Variants in CDK9 observed in about 807,000 individuals in gnomAD.
CDK9 encodes cyclin-dependent kinase 9.
A neutral mutation model predicts 39.0 loss-of-function variants in CDK9; 34 were observed. That is an observed-to-expected ratio of 0.87 (90% CI 0.66 to 1.16). The LOEUF (loss-of-function observed/expected upper bound fraction) is 1.16, where lower values mean the gene tolerates loss of function less well. Ranked by LOEUF, CDK9 falls within the 50% of genes most tolerant of loss-of-function variation. CDK9 has a pLI of 0.00. For synonymous variants in CDK9, 233 were observed against 196.2 expected (o/e 1.19, Z -1.57); for missense variants, 369 against 503.2 (o/e 0.73, Z 2.55).
In CDK9 at chr9:127,789,630, T is replaced by C. The variant is rs998083499; in HGVS notation, c.*87T>C. On this transcript the variant is annotated 3_prime_UTR_variant, in exon 7 of 7. Transcript: ENST00000373264. This position sits in a 1 kb window ranked among gnomAD's most constrained non-coding sequence, Gnocchi z 5.2. Reference sequence around the variant, plus strand: ...TGGAGACAGGGCATTTGAGTTTATATCTCTCATGCATATTTTATTTAATCC... The same window carrying C: ...TGGAGACAGGGCATTTGAGTTTATACCTCTCATGCATATTTTATTTAATCC... The C allele has an allele frequency of 2.0e-6, 3 of 1,489,162 alleles. No individual in the cohort carries two copies. Among genetic ancestry groups the C allele is most frequent in the Non-Finnish European group, 2.7e-6 (3 of 1,105,752 alleles). The allele number at this position is 1,489,162 out of a possible 1,614,324, so 92.2% of individuals were successfully genotyped here. A position where few individuals can be genotyped will look rare whatever the true frequency, so the allele number is the denominator to read the frequency against.
chr9:127,786,170 G>T lies in CDK9; in HGVS notation c.22G>T (p.Val8Leu). The T allele has an allele frequency of 6.2e-7, 1 of 1,609,160 alleles. No homozygotes were observed. Among genetic ancestry groups the T allele is most frequent in the Non-Finnish European group, 8.5e-7 (1 of 1,178,310 alleles). The change falls in exon 1 of 7, where the codon GTG becomes TTG. Residue 8 changes from valine (V) to leucine (L), a missense_variant. By Grantham distance (32) the Val-to-Leu change is conservative. Transcript: ENST00000373264. MAKQYDS[V>L]ECPFCDEVSK... Reference sequence around the variant, plus strand: ...GGCCATGGCAAAGCAGTACGACTCGGTGGAGTGCCCTTTTTGTGATGAAGT... The same window carrying T: ...GGCCATGGCAAAGCAGTACGACTCGTTGGAGTGCCCTTTTTGTGATGAAGT...
Position 127,788,092 on chromosome 9 carries a change from C to G in CDK9, c.411C>G (p.Leu137=), listed in dbSNP as rs756684461. The G allele has an allele frequency of 6.2e-7, 1 of 1,614,236 alleles. No homozygotes were observed. Among genetic ancestry groups the G allele is most frequent in the Non-Finnish European group, 8.5e-7 (1 of 1,180,044 alleles). ...KRVMQMLLNG[L]YYIHRNKILH... is the part of the protein sequence containing the mutation. ...TGATGCAGATGCTGCTTAACGGCCTCTACTACATCCACAGAAACAAGGTGG... is the reference window on the plus strand; with the variant it reads ...TGATGCAGATGCTGCTTAACGGCCTGTACTACATCCACAGAAACAAGGTGG... The change falls in exon 4 of 7, where the codon CTC becomes CTG. Residue 137 remains leucine (L), a synonymous_variant. Coordinates refer to ENST00000373264, the MANE Select transcript of CDK9 (RefSeq NM_001261.4).
In CDK9 at chr9:127,789,210, C is replaced by A; in HGVS notation, c.786C>A (p.Tyr262Ter). Reference sequence around the variant, plus strand: ...CAAACGTGGACAACTATGAGCTGTACGAAAAGCTGGAGCTGGTCAAGGGCC... The same window carrying A: ...CAAACGTGGACAACTATGAGCTGTAAGAAAAGCTGGAGCTGGTCAAGGGCC... ...VWPNVDNYEL[Y>*]EKLELVKGQK... The change falls in exon 7 of 7, where the codon TAC (tyrosine) becomes TAA (stop). Residue 262 changes from tyrosine to a stop codon, truncating the protein, a stop_gained. Coordinates refer to ENST00000373264, the MANE Select transcript of CDK9 (RefSeq NM_001261.4). LOFTEE classifies it high-confidence loss of function. The surrounding 1 kb of genome is among the most constrained non-coding windows in gnomAD (Gnocchi z 5.2). 1.2e-6 allele frequency: 2 copies of A among 1,602,540 alleles called. No individual in the cohort carries two copies. The highest frequency in any genetic ancestry group is 1.7e-6 in the Non-Finnish European group (2 of 1,172,298).
In CDK9 at chr9:127,786,123, G is replaced by A. The variant is rs1829307367; in HGVS notation, c.-26G>A. ...GGAGCGGCGGCAGCAGCGACTGGGG[G>A]CGGCGGCGGCGCGTTGGAGGCGGCC... On this transcript the variant is annotated 5_prime_UTR_variant, in exon 1 of 7. Coordinates refer to ENST00000373264, the MANE Select transcript of CDK9 (RefSeq NM_001261.4). 2 of 1,554,930 alleles carry A rather than the reference G, an allele frequency of 1.3e-6. No homozygotes were observed. The highest frequency in any genetic ancestry group is 3.5e-5 in the Admixed American group (2 of 57,514).
At chr9:127,787,837 C>T (rs1186645502) in intron 3 of CDK9, 110 bp from the exon 4 acceptor site, 6 of 1,183,048 alleles carry the variant, frequency 5.1e-6, no homozygotes, top group East Asian at 2.3e-5. Context: ...GACAGATGCT[C>T]TGGAGGGCAT....
chr9:127,788,149 G>C, intron 4 of CDK9, 36 bp downstream of exon 4: 1 of 1,613,508 alleles, frequency 6.2e-7, no homozygotes, highest in East Asian at 2.2e-5. Context: ...CCCAGGCTTG[G>C]GCTGGTCTTG....
At position 127,789,174 on chromosome 9, in the gene CDK9, C is replaced by T; in HGVS notation, c.754-4C>T. ...ATATTCTCTCAACGCCCCCTCCCTCCCAGGTGTGGCCAAACGTGGACAACT... is the reference window on the plus strand; with the variant it reads ...ATATTCTCTCAACGCCCCCTCCCTCTCAGGTGTGGCCAAACGTGGACAACT... On this transcript the variant is annotated splice_polypyrimidine_tract_variant and splice_region_variant and intron_variant, in intron 6 of 6. Coordinates refer to ENST00000373264, the MANE Select transcript of CDK9 (RefSeq NM_001261.4). This position sits in a 1 kb window ranked among gnomAD's most constrained non-coding sequence, Gnocchi z 5.2. The T allele has an allele frequency of 6.4e-7, 1 of 1,563,536 alleles. No individual in the cohort carries two copies. Among genetic ancestry groups the T allele is most frequent in the South Asian group, 1.2e-5 (1 of 84,476 alleles).
At position 127,789,480 on chromosome 9, in the gene CDK9, G is replaced by A; in HGVS notation, c.1056G>A (p.Gln352=). ...GGAAGGGCAGCCAGATCACCCAGCA[G>A]TCCACCAACCAGAGTCGCAATCCCG... ...PRRKGSQITQ[Q]STNQSRNPAT... is the part of the protein sequence containing the mutation. The change falls in exon 7 of 7, where the codon CAG becomes CAA. Residue 352 remains glutamine (Q), a synonymous_variant. Coordinates refer to ENST00000373264, the MANE Select transcript of CDK9 (RefSeq NM_001261.4). This position sits in a 1 kb window ranked among gnomAD's most constrained non-coding sequence, Gnocchi z 5.2. 2 of 1,614,156 alleles carry A rather than the reference G, an allele frequency of 1.2e-6. No homozygotes were observed. The highest frequency in any genetic ancestry group is 2.2e-5 in the South Asian group (2 of 91,092).
Position 127,787,810 on chromosome 9 carries a change from C to T in CDK9, c.266-137C>T, listed in dbSNP as rs549917196. ...AAGAGGCACTCAGAAAATATTTGAC[C>T]GGTGAAGGAAGGAACAGACAGATGC... On this transcript the variant is annotated intron_variant, in intron 3 of 6. Transcript: ENST00000373264. 131 of 993,158 alleles carry T rather than the reference C, an allele frequency of 1.3e-4. 1 individual carries two copies. Among genetic ancestry groups the T allele is most frequent in the South Asian group, 1.0e-3 (67 of 67,302 alleles). 61.5% of individuals were successfully genotyped at this position (993,158 alleles called of 1,614,324 possible).
intron 1 of CDK9, 75 bp downstream of exon 1, chr9:127,786,315 C>A (rs1299784634): frequency 8.2e-7 from 1 of 1,223,886 alleles, no homozygotes; most frequent in Non-Finnish European, 1.2e-6. Context: ...CCCGGGCCCC[C>A]CCCGAGTTGG....
At chr9:127,787,738 C>A (rs1161761789) in intron 3 of CDK9, 130 bp downstream of exon 3, 2 of 851,972 alleles carry the variant, frequency 2.3e-6, no homozygotes, top group Non-Finnish European at 3.8e-6. Flanking sequence ...TTTTTCTGGT[C>A]CTCTTTCATC....
rs780133261 is a variant in CDK9 at position 127,789,676 on chromosome 9, A to G, written c.*133A>G. ...AATCCCCACCCTGGGCTCTGGGAGC[A>G]GCCCGCTGAGTGGACTGGAGTGGAG... On this transcript the variant is annotated 3_prime_UTR_variant, in exon 7 of 7. Coordinates refer to ENST00000373264, the MANE Select transcript of CDK9 (RefSeq NM_001261.4). The surrounding 1 kb of genome is among the most constrained non-coding windows in gnomAD (Gnocchi z 5.2). The G allele has an allele frequency of 1.1e-5, 13 of 1,196,508 alleles. No homozygotes were observed. Among genetic ancestry groups the G allele is most frequent in the Non-Finnish European group, 1.5e-5 (13 of 870,834 alleles). The allele number at this position is 1,196,508 out of a possible 1,614,324, so 74.1% of individuals were successfully genotyped here.
intron 2 of CDK9, among the ~76,000 whole-genome samples, chr9:127,787,288 G>A (rs992642289): frequency 2.0e-5 from 3 of 152,146 alleles, no homozygotes; most frequent in Admixed American, 1.3e-4. Flanking sequence ...TGAAACCGCC[G>A]AGCGTTTAGT....
In CDK9 at chr9:127,788,087, G is replaced by T. The variant is rs562638413; in HGVS notation, c.406G>T (p.Gly136Cys). 6.2e-7 allele frequency: 1 copy of T among 1,614,186 alleles called. No homozygotes were observed. Among genetic ancestry groups the T allele is most frequent in the Non-Finnish European group, 8.5e-7 (1 of 1,180,030 alleles). ...GAGGGTGATGCAGATGCTGCTTAAC[G>T]GCCTCTACTACATCCACAGAAACAA... ...IKRVMQMLLN[G>C]LYYIHRNKIL... is the part of the protein sequence containing the mutation. Residue 136 changes from glycine to cysteine, a missense_variant, in exon 4 of 7, where the codon GGC becomes TGC. Gly to Cys is a radical substitution (Grantham distance 159, BLOSUM62 -3). Transcript: ENST00000373264.
At position 127,788,336 on chromosome 9, in the gene CDK9, C is replaced by T. The variant is rs1829368111; in HGVS notation, c.555C>T (p.Tyr185=). The change falls in exon 5 of 7, where the codon TAC becomes TAT. Residue 185 remains tyrosine (Y), a synonymous_variant. Coordinates refer to ENST00000373264, the MANE Select transcript of CDK9 (RefSeq NM_001261.4). The part of the protein sequence containing the change: ...SLAKNSQPNR[Y]TNRVVTLWYR... ...CCAAGAACAGCCAGCCCAACCGCTA[C>T]ACCAACCGTGTGGTGACACTCTGGT... 11 of 1,613,190 alleles carry T rather than the reference C, an allele frequency of 6.8e-6. No homozygotes were observed. The highest frequency in any genetic ancestry group is 2.7e-5 in the African/African-American group (2 of 75,070).
In CDK9 at chr9:127,788,637, C is replaced by T. The variant is rs141577691; in HGVS notation, c.698C>T (p.Thr233Met). Reference protein sequence around the residue: ...WTRSPIMQGNTEQHQLALISQ... With the variant: ...WTRSPIMQGNMEQHQLALISQ... ...CGCAGCCCCATCATGCAGGGCAACA[C>T]GGAGCAGCACCAACTCGCCCTCATC... Residue 233 changes from threonine (T) to methionine (M), a missense_variant, in exon 6 of 7, where the codon ACG (threonine) becomes ATG (methionine). Coordinates refer to ENST00000373264, the MANE Select transcript of CDK9 (RefSeq NM_001261.4). 50 of 1,611,530 alleles carry T rather than the reference C, an allele frequency of 3.1e-5. No homozygotes were observed. Among genetic ancestry groups the T allele is most frequent in the Admixed American group, 5.0e-5 (3 of 59,688 alleles).
At position 127,789,579 on chromosome 9, in the gene CDK9, T is replaced by A; in HGVS notation, c.*36T>A. On this transcript the variant is annotated 3_prime_UTR_variant, in exon 7 of 7. Transcript: ENST00000373264. The surrounding 1 kb of genome is among the most constrained non-coding windows in gnomAD (Gnocchi z 5.2). The stretch of plus-strand genomic sequence containing the variant: ...TTGCCACTAGGGCTCTTGTGTTTTT[T>A]TTCTTCTGCTATGTGACTTGCATCG... 2 of 1,596,110 alleles carry A rather than the reference T, an allele frequency of 1.3e-6. No homozygotes were observed. Among genetic ancestry groups the A allele is most frequent in the Middle Eastern group, 3.3e-4 (2 of 5,976 alleles).
chr9:127,789,726 A>G lies in CDK9; in HGVS notation c.*183A>G. Reference sequence around the variant, plus strand: ...GCATTGGCTGAGAGACCAGGAGGGCACTGGAGCTGTCTTGTCCTTGCTGGT... The same window carrying G: ...GCATTGGCTGAGAGACCAGGAGGGCGCTGGAGCTGTCTTGTCCTTGCTGGT... On this transcript the variant is annotated 3_prime_UTR_variant, in exon 7 of 7. Coordinates refer to ENST00000373264, the MANE Select transcript of CDK9 (RefSeq NM_001261.4). The surrounding 1 kb of genome is among the most constrained non-coding windows in gnomAD (Gnocchi z 5.2). The G allele has an allele frequency of 1.3e-6, 1 of 766,406 alleles. No homozygotes were observed. The highest frequency in any genetic ancestry group is 2.0e-6 in the Non-Finnish European group (1 of 490,032). The allele number at this position is 766,406 out of a possible 1,614,324, so 47.5% of individuals were successfully genotyped here.
chr9:127,787,973 A>G lies in CDK9; in HGVS notation c.292A>G (p.Ser98Gly), dbSNP rs1261382989. The G allele has an allele frequency of 6.2e-7, 1 of 1,612,698 alleles. No individual in the cohort carries two copies. Among genetic ancestry groups the G allele is most frequent in the Non-Finnish European group, 8.5e-7 (1 of 1,178,818 alleles). Reference protein sequence around the residue: ...KASPYNRCKGSIYLVFDFCEH... With the variant: ...KASPYNRCKGGIYLVFDFCEH... ...TTCCCCCTATAACCGCTGCAAGGGT[A>G]GTATATACCTGGTGTTCGACTTCTG... Residue 98 changes from serine to glycine, a missense_variant, in exon 4 of 7, where the codon AGT (serine) becomes GGT (glycine). Coordinates refer to ENST00000373264, the MANE Select transcript of CDK9 (RefSeq NM_001261.4).
Sources: allele counts gnomAD v4.1 joint callset (sites outside exome capture counted in the v4.1 genomes callset), GRCh38; gene constraint gnomAD v4.1.1; non-coding constraint Gnocchi (gnomAD v3.1); transcripts MANE v1.5; gene names NCBI Gene and HGNC (gene_info 2026-07-23, HGNC 2026-07-21).